SV2C: variants seen among roughly 807,000 people sequenced by gnomAD.
SV2C encodes synaptic vesicle glycoprotein 2C, also known as solute carrier family 22 member B3.
In SV2C, 49 loss-of-function variants were observed where a neutral mutation model predicts 79.7. The observed-to-expected ratio is 0.61, with a 90% CI of 0.49 to 0.78. The LOEUF is 0.78. Ranked by LOEUF, SV2C falls within the 30% of genes least tolerant of loss-of-function variation. The pLI is 0.00. For missense variants in SV2C, 833 were observed against 912.9 expected (o/e 0.91, Z 1.13); for synonymous variants, 334 against 333.2 (o/e 1.00, Z -0.03).
Position 76,094,577 on chromosome 5 carries a change from T to C in SV2C, c.-102+11065T>C, listed in dbSNP as rs138344255. 3.5e-4 allele frequency among the ~76,000 whole-genome samples: 54 copies of C among 152,290 alleles called. 1 individual carries two copies. The highest frequency in any genetic ancestry group is 1.3e-3 in the African/African-American group (54 of 41,572). On this transcript the variant is annotated intron_variant, in intron 1 of 12. Transcript: ENST00000502798. ...GTTTCTCTGTTTATCTGTTGGTAGA[T>C]GTTTGAGTTGTTTCCACATTGGAGC...
the SV2C span, among the ~76,000 whole-genome samples, chr5:75,955,537 T>C: frequency 2.7e-5 from 4 of 146,476 alleles, no homozygotes; most frequent in South Asian, 8.7e-4. Flanking sequence ...AAGCCAAAAT[T>C]GACAAATGGG....
intron 8 of SV2C, among the ~76,000 whole-genome samples, chr5:76,293,152 G>A (rs1747617641): frequency 6.6e-6 from 1 of 152,106 alleles, no homozygotes; most frequent in South Asian, 2.1e-4. Flanking sequence ...TCTAAATTAA[G>A]AGGGTTGACT....
chr5:76,069,867 C>CAA, the SV2C span, among the ~76,000 whole-genome samples: 1 of 151,548 alleles, frequency 6.6e-6, no homozygotes, highest in East Asian at 1.9e-4. Flanking sequence ...CAAACACACA[C>CAA]ACACACACAC....
chr5:76,325,255 T>C lies in SV2C; in HGVS notation c.2001-109T>C, dbSNP rs191259917. The C allele has an allele frequency of 2.2e-4, 253 of 1,175,884 alleles. No individual in the cohort carries two copies. The East Asian group carries it at 4.9e-3, about 23-fold the overall frequency. The allele number at this position is 1,175,884 out of a possible 1,614,324, so 72.8% of individuals were successfully genotyped here. ...CAAGCATTGATTTGCTCCACTGATA[T>C]ACAACACAATCTGAGGGAAGATCAT... On this transcript the variant is annotated intron_variant, in intron 12 of 12. Coordinates refer to ENST00000502798, the MANE Select transcript of SV2C (RefSeq NM_014979.4).
At chr5:75,976,600 T>C in the SV2C span, among the ~76,000 whole-genome samples, 5 of 151,900 alleles carry the variant, frequency 3.3e-5, no homozygotes, top group African/African-American at 9.7e-5. Flanking sequence ...ACATGACCAA[T>C]TGAAGAATAC....
the SV2C span, among the ~76,000 whole-genome samples, chr5:75,917,914 A>C: frequency 1.6e-4 from 24 of 152,336 alleles, no homozygotes; most frequent in African/African-American, 5.5e-4. Flanking sequence ...CCTATATAAA[A>C]GACTCATATA....
the SV2C span, among the ~76,000 whole-genome samples, chr5:75,879,218 C>T: frequency 6.6e-6 from 1 of 152,106 alleles, no homozygotes; most frequent in Admixed American, 6.6e-5. Context: ...CTGCCCCAGG[C>T]CCACCCCAAA....
At chr5:75,871,763 G>A in the SV2C span, among the ~76,000 whole-genome samples, 6 of 150,642 alleles carry the variant, frequency 4.0e-5, no homozygotes, top group South Asian at 2.1e-4. Context: ...AGCTGAGATC[G>A]TGCCACTGCA....
the SV2C span, among the ~76,000 whole-genome samples, chr5:76,051,579 C>T: frequency 6.8e-4 from 103 of 152,146 alleles, no homozygotes; most frequent in Middle Eastern, 3.4e-3. Context: ...ACATAATTTG[C>T]AATATAACAG....
At chr5:76,063,960 A>G in the SV2C span, among the ~76,000 whole-genome samples, 1 of 152,180 alleles carries the variant, frequency 6.6e-6, no homozygotes, top group African/African-American at 2.4e-5. Context: ...GATGCCTATG[A>G]GTTTTGTCAA....
intron 3 of SV2C, among the ~76,000 whole-genome samples, chr5:76,201,593 C>A (rs879356917): frequency 1.3e-5 from 2 of 152,108 alleles, no homozygotes; most frequent in Non-Finnish European, 2.9e-5. Context: ...AGTAAGAATA[C>A]CTTGGCTTTG....
At chr5:76,177,101 C>T (rs1321263718) in intron 2 of SV2C, among the ~76,000 whole-genome samples, 9 of 135,866 alleles carry the variant, frequency 6.6e-5, no homozygotes, top group African/African-American at 1.8e-4. Context: ...GGCGACAGAG[C>T]GAGACTCTGT....
intron 12 of SV2C, among the ~76,000 whole-genome samples, chr5:76,350,186 C>T (rs1208164122): frequency 6.6e-6 from 1 of 152,158 alleles, no homozygotes; most frequent in Non-Finnish European, 1.5e-5. Flanking sequence ...TCCTGCCCTC[C>T]ATACATGTGA....
chr5:76,062,960 G>A, the SV2C span, among the ~76,000 whole-genome samples: 5 of 152,120 alleles, frequency 3.3e-5, no homozygotes, highest in African/African-American at 1.2e-4. Context: ...GAAACGTGGA[G>A]TGTTATCTCA....
intron 3 of SV2C, among the ~76,000 whole-genome samples, chr5:76,201,314 A>T (rs1451391882): frequency 5.9e-5 from 9 of 152,190 alleles, no homozygotes; most frequent in African/African-American, 1.7e-4. Flanking sequence ...GAATTAAATT[A>T]TTTGTAGCCA....
the SV2C span, among the ~76,000 whole-genome samples, chr5:75,937,255 G>A: frequency 1.3e-5 from 2 of 152,164 alleles, no homozygotes; most frequent in East Asian, 3.8e-4. Flanking sequence ...CATACTCTTT[G>A]TGAAGTTTGG....
chr5:75,895,830 G>A, the SV2C span, among the ~76,000 whole-genome samples: 1 of 152,022 alleles, frequency 6.6e-6, no homozygotes, highest in Non-Finnish European at 1.5e-5. Context: ...GTGGATTAAT[G>A]TTGCATTTAA....
the SV2C span, among the ~76,000 whole-genome samples, chr5:76,032,615 T>C: frequency 6.6e-6 from 1 of 152,250 alleles, no homozygotes; most frequent in Non-Finnish European, 1.5e-5. Flanking sequence ...CCATGGTGTA[T>C]ATATGCCACA....
At chr5:76,070,960 C>T in the SV2C span, among the ~76,000 whole-genome samples, 1 of 152,164 alleles carries the variant, frequency 6.6e-6, no homozygotes, top group Non-Finnish European at 1.5e-5. Context: ...AGTTGCACAG[C>T]CTTAAGGTGA....
Sources: gnomAD v4.1 joint callset for allele counts (sites outside exome capture counted in the v4.1 genomes callset) on GRCh38, gnomAD v4.1.1 for gene constraint, MANE v1.5 for transcripts, NCBI Gene and HGNC (gene_info 2026-07-23, HGNC 2026-07-21) for gene names.